Variants in LCOR observed in about 807,000 individuals in gnomAD.
LCOR encodes ligand dependent nuclear receptor corepressor, also known as ligand-dependent corepressor.
LCOR carries 14 observed loss-of-function variants against 64.4 expected under a neutral mutation model. The ratio of observed to expected loss-of-function variants is 0.22; its 90% CI spans 0.14 to 0.34. The LOEUF is 0.34. Among genes scored for constraint, LCOR ranks in the 10% least tolerant of loss-of-function variants. The pLI is 1.00. For missense variants in LCOR, 1,686 were observed against 1,765.3 expected, an observed-to-expected ratio of 0.96 and a Z score of 0.80; for synonymous variants, 643 against 642.5, an observed-to-expected ratio of 1.00 and a Z score of -0.01.
chr10:96,854,624 G>A (rs1289755321), intron 2 of LCOR, among the ~76,000 whole-genome samples: 1 of 152,178 alleles, frequency 6.6e-6, no homozygotes, highest in Non-Finnish European at 1.5e-5. Context: ...ACCGTGCCTG[G>A]CCCATTTCTT....
intron 5 of LCOR, among the ~76,000 whole-genome samples, chr10:96,948,550 T>TA (rs1351515072): frequency 1.3e-5 from 2 of 152,228 alleles, no homozygotes; most frequent in African/African-American, 4.8e-5. Flanking sequence ...ATAATCTTGG[T>TA]ATGCCTTCTG....
chr10:96,896,608 G>C (rs1846541490), intron 2 of LCOR, among the ~76,000 whole-genome samples: 1 of 152,026 alleles, frequency 6.6e-6, no homozygotes, highest in Admixed American at 6.6e-5. Context: ...ATTTTTAATA[G>C]AGATGGGGTT....
At chr10:96,895,681 C>A (rs185110333) in intron 2 of LCOR, among the ~76,000 whole-genome samples, 1 of 152,324 alleles carries the variant, frequency 6.6e-6, no homozygotes, top group Non-Finnish European at 1.5e-5. Context: ...CTGACCATGC[C>A]TGCTTTCTTG....
intron 2 of LCOR, among the ~76,000 whole-genome samples, chr10:96,905,479 G>T (rs920312046): frequency 2.0e-4 from 31 of 152,118 alleles, no homozygotes; most frequent in Admixed American, 1.8e-3. Flanking sequence ...ATTGGAGATA[G>T]GCTGTGGGAT....
At chr10:96,873,571 CGT>C (rs55893181) in intron 2 of LCOR, among the ~76,000 whole-genome samples, 2,097 of 126,238 alleles carry the variant, frequency 0.017, 22 homozygotes, top group South Asian at 0.034. Flanking sequence ...CACACACACA[CGT>C]GTGTGTGTGT....
intron 2 of LCOR, among the ~76,000 whole-genome samples, chr10:96,847,780 C>A (rs1052631672): frequency 6.6e-6 from 1 of 152,108 alleles, no homozygotes; most frequent in Admixed American, 6.6e-5. Context: ...GATTGAATTA[C>A]CTACAAACTT....
chr10:96,867,337 C>G (rs1311125085), intron 2 of LCOR, among the ~76,000 whole-genome samples: 3 of 152,192 alleles, frequency 2.0e-5, no homozygotes, highest in Non-Finnish European at 4.4e-5. Context: ...TGGGCTTCAC[C>G]TGTAACCCCA....
intron 2 of LCOR, among the ~76,000 whole-genome samples, chr10:96,889,923 T>A (rs1334416102): frequency 2.0e-5 from 3 of 152,200 alleles, no homozygotes; most frequent in African/African-American, 7.2e-5. Flanking sequence ...GAGTATATAC[T>A]TAGGAGTGGA....
chr10:96,934,585 T>C (rs2134495064), intron 4 of LCOR, among the ~76,000 whole-genome samples: 1 of 152,282 alleles, frequency 6.6e-6, no homozygotes, highest in Non-Finnish European at 1.5e-5. Context: ...GAAATTCCAG[T>C]TGAAATCTGC....
intron 2 of LCOR, among the ~76,000 whole-genome samples, chr10:96,859,355 G>A (rs932003648): frequency 3.9e-5 from 6 of 152,026 alleles, no homozygotes; most frequent in Non-Finnish European, 8.8e-5. Context: ...GATTACAGGC[G>A]CCTGCCACCA....
chr10:96,966,163 CTTTT>C (rs57378535), intron 7 of LCOR, among the ~76,000 whole-genome samples: 8 of 90,042 alleles, frequency 8.9e-5, no homozygotes, highest in African/African-American at 2.5e-4. Context: ...AAAATGGAAA[CTTTT>C]TTTTTTTTTT....
chr10:96,855,617 G>T (rs371941984), intron 2 of LCOR, among the ~76,000 whole-genome samples: 2 of 151,490 alleles, frequency 1.3e-5, no homozygotes, highest in Non-Finnish European at 2.9e-5. Context: ...TATATTTTTA[G>T]TAGAGACGGG....
intron 6 of LCOR, 29 bp from the exon 7 acceptor site, chr10:96,952,073 AT>A (rs1250083527): frequency 1.3e-6 from 2 of 1,519,896 alleles, no homozygotes; most frequent in Non-Finnish European, 9.1e-7. Context: ...AGCTTTTAAT[AT>A]CCTCAGGTGT....
chr10:96,979,109 G>T (rs1848061189), intron 7 of LCOR, among the ~76,000 whole-genome samples: 1 of 152,214 alleles, frequency 6.6e-6, no homozygotes, highest in South Asian at 2.1e-4. Context: ...GGTAGGAGGT[G>T]ATGTGGGTTG....
intron 7 of LCOR, chr10:96,957,216 T>C: frequency 2.0e-6 from 2 of 984,696 alleles, no homozygotes; most frequent in Non-Finnish European, 2.4e-6. Context: ...TTTTTTTCTG[T>C]TTTTGGCATC....
intron 2 of LCOR, among the ~76,000 whole-genome samples, chr10:96,879,962 C>T (rs570519774): frequency 7.9e-5 from 12 of 152,212 alleles, no homozygotes; most frequent in Admixed American, 1.3e-4. Flanking sequence ...CGTGCCCGGC[C>T]GATACTGTAT....
At chr10:96,935,884 G>T (rs1246533176) in intron 4 of LCOR, among the ~76,000 whole-genome samples, 1 of 152,186 alleles carries the variant, frequency 6.6e-6, no homozygotes, top group Non-Finnish European at 1.5e-5. Context: ...GAACTCTCTG[G>T]CTTAGAAAAT....
intron 7 of LCOR, chr10:96,955,642 A>G (rs756022530): frequency 1.9e-6 from 3 of 1,614,202 alleles, no homozygotes; most frequent in Middle Eastern, 1.6e-4. Flanking sequence ...CAGCCTCGGA[A>G]GAAAAGAGGG....
intron 4 of LCOR, among the ~76,000 whole-genome samples, chr10:96,930,871 G>A (rs1296984288): frequency 6.6e-6 from 1 of 152,144 alleles, no homozygotes; most frequent in Non-Finnish European, 1.5e-5. Flanking sequence ...GACACCGAAT[G>A]CTGTTGCCAT....
Sources: gnomAD v4.1 joint callset for allele counts (sites outside exome capture counted in the v4.1 genomes callset) on GRCh38, gnomAD v4.1.1 for gene constraint, MANE v1.5 for transcripts, NCBI Gene and HGNC (gene_info 2026-07-23, HGNC 2026-07-21) for gene names.